The following PRPF8 variants were observed in gnomAD, a reference collection of about 807,000 sequenced individuals.
PRPF8 encodes pre-mRNA-processing-splicing factor 8.
In PRPF8, 64 loss-of-function variants were observed where a neutral mutation model predicts 285.9. That is an observed-to-expected ratio of 0.22 (90% CI 0.18 to 0.28). PRPF8 has a LOEUF of 0.28. Among genes scored for constraint, PRPF8 ranks in the 10% least tolerant of loss-of-function variants. The probability of loss-of-function intolerance (pLI) is 1.00; values close to 1 mark genes in which losing one functional copy is unlikely to be tolerated. For synonymous variants in PRPF8, 1,325 were observed against 1,118.2 expected, an observed-to-expected ratio of 1.18 and a Z score of -3.69; for missense variants, 1,426 against 3,026.7, an observed-to-expected ratio of 0.47 and a Z score of 12.41.
In PRPF8 at chr17:1,659,838, T is replaced by A; in HGVS notation, c.4946+3A>T. On this transcript the variant is annotated splice_donor_region_variant and intron_variant, in intron 31 of 42. Transcript: ENST00000304992. This position sits in a 1 kb window ranked among gnomAD's most constrained non-coding sequence, Gnocchi z 5.1. ...GCCTAGGGCTGGGTCCTGAGGCACT[T>A]ACTTGGAGTCAGCCAGCAATGAGGG... 2 of 1,614,122 alleles carry A rather than the reference T, an allele frequency of 1.2e-6. No individual in the cohort carries two copies. Among genetic ancestry groups the A allele is most frequent in the South Asian group, 1.1e-5 (1 of 91,078 alleles).
chr17:1,684,606 A>T, intron 1 of PRPF8, 24 bp from the exon 2 acceptor site: 1 of 1,607,780 alleles, frequency 6.2e-7, no homozygotes, highest in Admixed American at 1.7e-5. Flanking sequence ...GGATAGAAAA[A>T]TTCACTAACC....
chr17:1,665,517 G>T (rs1250106570), intron 24 of PRPF8, among the ~76,000 whole-genome samples: 3 of 148,368 alleles, frequency 2.0e-5, no homozygotes, highest in African/African-American at 7.5e-5. Flanking sequence ...CAGCCTGGGC[G>T]ACAGAGCAAG....
In PRPF8 at chr17:1,661,386, A is replaced by G; in HGVS notation, c.4223T>C (p.Leu1408Pro). 1 of 1,614,202 alleles carries G rather than the reference A, an allele frequency of 6.2e-7. No individual in the cohort carries two copies. The highest frequency in any genetic ancestry group is 8.5e-7 in the Non-Finnish European group (1 of 1,180,042). Residue 1408 changes from leucine to proline, a missense_variant, in exon 27 of 43, where the codon CTA becomes CCA. Physicochemically the swap from Leu to Pro is moderately conservative, Grantham distance 98. Around this residue, in one of 34 missense-constraint regions of PRPF8, gnomAD observed 40 missense variants for 121.6 expected, o/e 0.33. Transcript: ENST00000304992. The surrounding 1 kb of genome is among the most constrained non-coding windows in gnomAD (Gnocchi z 7.3). ...AATGCCACGATCCCATGAATCTTCT[A>G]GGTCTTCTAAAGTCAGGCGTCTTCC... The part of the protein sequence containing the change: ...AQNRRLTLED[L>P]EDSWDRGIPR...
chr17:1,669,858 C>A (rs1912210756), intron 24 of PRPF8, among the ~76,000 whole-genome samples: 1 of 152,192 alleles, frequency 6.6e-6, no homozygotes, highest in South Asian at 2.1e-4. Flanking sequence ...AAATTCCTCC[C>A]TCTCCTCTTC....
At position 1,673,267 on chromosome 17, in the gene PRPF8, AC is replaced by A; in HGVS notation, c.3658-71del. The A allele has an allele frequency of 8.1e-6, 13 of 1,605,186 alleles. No homozygotes were observed. Among genetic ancestry groups the A allele is most frequent in the Non-Finnish European group, 9.4e-6 (11 of 1,172,394 alleles). ...GAAGCAAGAGCCAACTGTGCCCACC[AC>A]TCAAGTCTTTCCACCCAACAAGACT... is the stretch of plus-strand genomic sequence containing the variant. On this transcript the variant is annotated intron_variant, in intron 23 of 42. Coordinates refer to ENST00000304992, the MANE Select transcript of PRPF8 (RefSeq NM_006445.4). The surrounding 1 kb of genome is among the most constrained non-coding windows in gnomAD (Gnocchi z 5.5).
chr17:1,681,731 G>A (rs1184329447), intron 5 of PRPF8, 41 bp from the exon 6 acceptor site: 1 of 1,610,622 alleles, frequency 6.2e-7, no homozygotes, highest in Non-Finnish European at 8.5e-7. Flanking sequence ...TAAGCAGCTA[G>A]ACAAACCCAT....
In PRPF8 at chr17:1,659,155, A is replaced by C; in HGVS notation, c.5138+202T>G. 3 of 681,924 alleles carry C rather than the reference A, an allele frequency of 4.4e-6. No individual in the cohort carries two copies. The highest frequency in any genetic ancestry group is 7.8e-6 in the Non-Finnish European group (3 of 385,768). 42.2% of individuals were successfully genotyped at this position (681,924 alleles called of 1,614,324 possible). ...ATTCTCCCACCTCAACCTTCTGAGT[A>C]GCTGGGACTACAGGCGTGGACCACC... is the stretch of plus-strand genomic sequence containing the variant. On this transcript the variant is annotated intron_variant, in intron 32 of 42. Transcript: ENST00000304992. This position sits in a 1 kb window ranked among gnomAD's most constrained non-coding sequence, Gnocchi z 5.1.
In PRPF8 at chr17:1,678,852, A is replaced by T. The variant is rs1335676419; in HGVS notation, c.1629T>A (p.Ala543=). ...GCAGAACTTCCCGACACAGGTGGAA[A>T]GCATTCCCAAAACGAGATTTCTTTC... ...KERKKSRFGN[A]FHLCREVLRL... is the part of the protein sequence containing the mutation. The change falls in exon 12 of 43, where the codon GCT becomes GCA. Residue 543 remains alanine (A), a synonymous_variant. Coordinates refer to ENST00000304992, the MANE Select transcript of PRPF8 (RefSeq NM_006445.4). 6.2e-7 allele frequency: 1 copy of T among 1,614,092 alleles called. No homozygotes were observed. The highest frequency in any genetic ancestry group is 8.5e-7 in the Non-Finnish European group (1 of 1,180,036).
chr17:1,650,992 C>G (rs1320616130), intron 42 of PRPF8, 36 bp from the exon 43 acceptor site: 1 of 1,614,076 alleles, frequency 6.2e-7, no homozygotes, highest in African/African-American at 1.3e-5. Flanking sequence ...GTTAACAGGG[C>G]TCCTGCCTCA....
At position 1,679,551 on chromosome 17, in the gene PRPF8, G is replaced by A. The variant is rs976255359; in HGVS notation, c.1289+58C>T. 1 of 1,603,950 alleles carries A rather than the reference G, an allele frequency of 6.2e-7. No individual in the cohort carries two copies. The highest frequency in any genetic ancestry group is 1.7e-5 in the Admixed American group (1 of 58,564). On this transcript the variant is annotated intron_variant, in intron 9 of 42. Transcript: ENST00000304992. This position sits in a 1 kb window ranked among gnomAD's most constrained non-coding sequence, Gnocchi z 4.7. ...AAAAAGGCTACATGCCCACCTAGTT[G>A]GAGTCTTTTCTCCTACACATCCACT...
chr17:1,682,304 A>G lies in PRPF8; in HGVS notation c.270-11T>C. On this transcript the variant is annotated splice_polypyrimidine_tract_variant and intron_variant, in intron 3 of 42. Coordinates refer to ENST00000304992, the MANE Select transcript of PRPF8 (RefSeq NM_006445.4). ...ATGTACTTTAGGGCACTGGCACATT[A>G]GAAAAAGAGAAGGCTATCAGAAATG... The G allele has an allele frequency of 1.9e-6, 3 of 1,613,680 alleles. No homozygotes were observed. The highest frequency in any genetic ancestry group is 2.5e-6 in the Non-Finnish European group (3 of 1,179,608).
At position 1,660,737 on chromosome 17, in the gene PRPF8, T is replaced by C. The variant is rs1389860975; in HGVS notation, c.4599A>G (p.Arg1533=). The change falls in exon 29 of 43, where the codon AGA becomes AGG. Residue 1533 remains arginine (R), a synonymous_variant. Coordinates refer to ENST00000304992, the MANE Select transcript of PRPF8 (RefSeq NM_006445.4). The part of the protein sequence containing the change: ...RSGLNQIPNR[R]FTLWWSPTIN... The stretch of plus-strand genomic sequence containing the variant: ...TGGTCGGGGACCACCAGAGGGTGAA[T>C]CTACGATTGGGAATCTGGTTCAGTC... The C allele has an allele frequency of 1.2e-6, 2 of 1,613,996 alleles. No homozygotes were observed. Among genetic ancestry groups the C allele is most frequent in the Non-Finnish European group, 1.7e-6 (2 of 1,180,028 alleles).
Position 1,673,728 on chromosome 17 carries a change from GC to G in PRPF8, c.3446+17del. On this transcript the variant is annotated intron_variant, in intron 22 of 42. Coordinates refer to ENST00000304992, the MANE Select transcript of PRPF8 (RefSeq NM_006445.4). The surrounding 1 kb of genome is among the most constrained non-coding windows in gnomAD (Gnocchi z 5.5). ...AGCTTATGTCCTTCCAGCTCACACA[GC>G]CCCAACCTAGACTCACAAGTTAACA... The G allele has an allele frequency of 6.2e-7, 1 of 1,613,710 alleles. No individual in the cohort carries two copies. The highest frequency in any genetic ancestry group is 1.1e-5 in the South Asian group (1 of 91,058).
rs1344361339 is a variant in PRPF8, at chr17:1,651,007, G to A, written c.6854-51C>T. On this transcript the variant is annotated intron_variant, in intron 42 of 42. Coordinates refer to ENST00000304992, the MANE Select transcript of PRPF8 (RefSeq NM_006445.4). This position sits in a 1 kb window ranked among gnomAD's most constrained non-coding sequence, Gnocchi z 5.1. ...GTTAACAGGGCTCCTGCCTCATGCA[G>A]CCTGCGCCACCTCCAAGCCAGCCAG... 6.2e-7 allele frequency: 1 copy of A among 1,614,092 alleles called. No individual in the cohort carries two copies. Among genetic ancestry groups the A allele is most frequent in the Middle Eastern group, 1.7e-4 (1 of 6,058 alleles).
chr17:1,669,340 G>A (rs1203750084), intron 24 of PRPF8, among the ~76,000 whole-genome samples: 2 of 152,146 alleles, frequency 1.3e-5, no homozygotes, highest in Non-Finnish European at 2.9e-5. Flanking sequence ...CTCCTGACTT[G>A]GTGATTCACC....
rs750503413 is a variant in PRPF8, at chr17:1,659,323, G to A, written c.5138+34C>T. 5.0e-6 allele frequency: 8 copies of A among 1,612,636 alleles called. No homozygotes were observed. In the South Asian group the frequency reaches 5.5e-5, roughly 11 times the overall value. ...TTACAGGTGTGAGCCACTGCGCCTG[G>A]CCTGAAAATACATGGTCCTGAGCCT... is the stretch of plus-strand genomic sequence containing the variant. On this transcript the variant is annotated intron_variant, in intron 32 of 42. Coordinates refer to ENST00000304992, the MANE Select transcript of PRPF8 (RefSeq NM_006445.4). The surrounding 1 kb of genome is among the most constrained non-coding windows in gnomAD (Gnocchi z 5.1).
At position 1,658,023 on chromosome 17, in the gene PRPF8, G is replaced by T. The variant is rs934177640; in HGVS notation, c.5505+230C>A. The stretch of plus-strand genomic sequence containing the variant: ...CGTTGCCTTTGGAAAAATGATTTTT[G>T]ATAGCCCTGTTCAAGGTTAGAAATT... On this transcript the variant is annotated intron_variant, in intron 34 of 42. Transcript: ENST00000304992. This position sits in a 1 kb window ranked among gnomAD's most constrained non-coding sequence, Gnocchi z 4.1. Among the ~76,000 whole-genome samples, 2 of 149,200 alleles carry T rather than the reference G, an allele frequency of 1.3e-5. No homozygotes were observed. Among genetic ancestry groups the T allele is most frequent in the Admixed American group, 6.7e-5 (1 of 14,980 alleles).
In PRPF8 at chr17:1,653,288, T is replaced by C; in HGVS notation, c.6369+254A>G. The C allele has an allele frequency of 1.7e-6, 1 of 601,076 alleles. No individual in the cohort carries two copies. Among genetic ancestry groups the C allele is most frequent in the Non-Finnish European group, 3.0e-6 (1 of 335,916 alleles). The allele number at this position is 601,076 out of a possible 1,614,324, so 37.2% of individuals were successfully genotyped here. A position where few individuals can be genotyped will look rare whatever the true frequency, so the allele number is the denominator to read the frequency against. On this transcript the variant is annotated intron_variant, in intron 39 of 42. Coordinates refer to ENST00000304992, the MANE Select transcript of PRPF8 (RefSeq NM_006445.4). The surrounding 1 kb of genome is among the most constrained non-coding windows in gnomAD (Gnocchi z 4.9). The stretch of plus-strand genomic sequence containing the variant: ...GCCAGCACGCACACCTGGTCAGGAA[T>C]TTGTTTCTGACCATATCTGTTCTCT...
intron 13 of PRPF8, 163 bp downstream of exon 13, chr17:1,678,355 C>G: frequency 1.2e-6 from 1 of 855,034 alleles, no homozygotes; most frequent in Non-Finnish European, 1.9e-6. Context: ...TGGTGGCGGG[C>G]ACCTGTAATC....
Sources: gnomAD v4.1 joint callset for allele counts (sites outside exome capture counted in the v4.1 genomes callset) on GRCh38, gnomAD v4.1.1 for gene constraint, gnomAD v4.1.1 regional missense constraint, Gnocchi (gnomAD v3.1) non-coding constraint, MANE v1.5 for transcripts, NCBI Gene and HGNC (gene_info 2026-07-23, HGNC 2026-07-21) for gene names.